The following KCNAB2 variants were observed in gnomAD, a reference collection of about 807,000 sequenced individuals.
KCNAB2 encodes the protein voltage-gated potassium channel subunit beta-2.
In KCNAB2, 29 loss-of-function variants were observed where a neutral mutation model predicts 63.6. That is an observed-to-expected ratio of 0.46 (90% CI 0.34 to 0.62). KCNAB2 has a LOEUF of 0.62. Ranked by LOEUF, KCNAB2 falls within the 20% of genes least tolerant of loss-of-function variation. KCNAB2 has a pLI of 0.01. For synonymous variants in KCNAB2, 222 were observed against 224.2 expected, an observed-to-expected ratio of 0.99 and a Z score of 0.09; for missense variants, 359 against 563.9, an observed-to-expected ratio of 0.64 and a Z score of 3.68.
chr1:6,072,862 T>G, intron 3 of KCNAB2, 64 bp downstream of exon 3: 1 of 1,518,504 alleles, frequency 6.6e-7, no homozygotes, highest in Non-Finnish European at 9.1e-7. Context: ...GGGCATGGAC[T>G]GAACTGGACA....
In KCNAB2 at chr1:6,087,612, G is replaced by A. The variant is rs1047505456; in HGVS notation, c.470+101G>A. 5 of 1,256,368 alleles carry A rather than the reference G, an allele frequency of 4.0e-6. No homozygotes were observed. The highest frequency in any genetic ancestry group is 5.8e-6 in the Non-Finnish European group (5 of 861,984). The allele number at this position is 1,256,368 out of a possible 1,614,324, so 77.8% of individuals were successfully genotyped here. Reference sequence around the variant, plus strand: ...CTAGAAGGCTCCTGGGGTGGCGGGAGGACAGTCCTCCTTGAGAAGGGAGAG... The same window carrying A: ...CTAGAAGGCTCCTGGGGTGGCGGGAAGACAGTCCTCCTTGAGAAGGGAGAG... On this transcript the variant is annotated intron_variant, in intron 7 of 15. Transcript: ENST00000378083. This position sits in a 1 kb window ranked among gnomAD's most constrained non-coding sequence, Gnocchi z 6.4.
chr1:6,004,953 ATGTGGGAGCTGAGCTGAGGGATGAGGGTG>A (rs1557920761), intron 1 of KCNAB2, among the ~76,000 whole-genome samples: 21 of 87,448 alleles, frequency 2.4e-4, no homozygotes, highest in Non-Finnish European at 3.8e-4. Context: ...GAGTGGGGGG[ATGTGGGAGCTGAGCTGAGGGATGAGGGTG>A]CAGGCAGAGA....
chr1:6,004,982 GCAGGCAGAGATCTGGGAGCTGAGCTAA>G (rs1657493189), intron 1 of KCNAB2, among the ~76,000 whole-genome samples: 2 of 110,290 alleles, frequency 1.8e-5, no homozygotes, highest in African/African-American at 3.3e-5. Flanking sequence ...GGATGAGGGT[GCAGGCAGAGATCTGGGAGCTGAGCTAA>G]GGGGTGAGGG....
rs377496614 is a variant in KCNAB2 at position 6,003,099 on chromosome 1, G to A, written c.-53+10311G>A. On this transcript the variant is annotated intron_variant, in intron 1 of 16. Coordinates refer to the KCNAB2 transcript ENST00000341524. The surrounding 1 kb of genome is among the most constrained non-coding windows in gnomAD (Gnocchi z 4.1). ...CCTGCGCCCCAGGCGACCCGTTCAC[G>A]GGGCGGGCGCTCGCCCTTGGCCTCG... is the stretch of plus-strand genomic sequence containing the variant. Among the ~76,000 whole-genome samples the A allele has an allele frequency of 1.3e-5, 2 of 152,314 alleles. No homozygotes were observed. Among genetic ancestry groups the A allele is most frequent in the East Asian group, 3.9e-4 (2 of 5,172 alleles).
At chr1:6,058,519 G>A (rs1403946149) in intron 2 of KCNAB2, among the ~76,000 whole-genome samples, 1 of 152,220 alleles carries the variant, frequency 6.6e-6, no homozygotes, top group African/African-American at 2.4e-5. Context: ...GACTAAATAA[G>A]CTCCAGGTGA....
upstream of KCNAB2, among the ~76,000 whole-genome samples, chr1:6,030,654 T>A (rs1048524710): frequency 1.4e-4 from 2 of 14,744 alleles, no homozygotes; most frequent in Non-Finnish European, 3.2e-4. Context: ...TGTATATGTA[T>A]GTACGTGTAT....
intron 1 of KCNAB2, among the ~76,000 whole-genome samples, chr1:6,012,678 A>T (rs1003267782): frequency 2.8e-5 from 4 of 142,846 alleles, no homozygotes; most frequent in African/African-American, 1.1e-4. Flanking sequence ...GGAGGTGGAG[A>T]TGGAGGTAGT....
At chr1:6,083,603 G>A (rs943197317) in intron 5 of KCNAB2, among the ~76,000 whole-genome samples, 1 of 152,198 alleles carries the variant, frequency 6.6e-6, no homozygotes, top group African/African-American at 2.4e-5. Context: ...CTCTGCTCCT[G>A]GGCCGGCCAC....
At chr1:6,049,423 G>A (rs965871278) in intron 1 of KCNAB2, among the ~76,000 whole-genome samples, 3 of 152,248 alleles carry the variant, frequency 2.0e-5, no homozygotes, top group South Asian at 2.1e-4. Context: ...GATGGCGAGC[G>A]CCATGGAGAC....
intron 4 of KCNAB2, among the ~76,000 whole-genome samples, chr1:6,081,652 C>A (rs565307924): frequency 6.6e-6 from 1 of 152,158 alleles, no homozygotes; most frequent in Admixed American, 6.5e-5. Flanking sequence ...CTGGGGGTTG[C>A]CAACAGTCCT....
At chr1:6,097,781 C>A in intron 15 of KCNAB2, 1 of 393,984 alleles carries the variant, frequency 2.5e-6, no homozygotes, top group Non-Finnish European at 4.5e-6. Context: ...ATGCAAAGGC[C>A]CAAAAAGGCC....
chr1:6,082,686 C>T (rs1235335916), intron 5 of KCNAB2, among the ~76,000 whole-genome samples: 1 of 152,202 alleles, frequency 6.6e-6, no homozygotes, highest in Non-Finnish European at 1.5e-5. Context: ...GAGCACTTCC[C>T]ATCTTGGCGG....
At chr1:6,001,782 A>G (rs1369421676) in intron 1 of KCNAB2, among the ~76,000 whole-genome samples, 1 of 152,170 alleles carries the variant, frequency 6.6e-6, no homozygotes, top group Non-Finnish European at 1.5e-5. Context: ...ACTGGGTCCT[A>G]GGCTCCTGGA....
At chr1:6,016,713 C>T (rs1244119800) in intron 1 of KCNAB2, among the ~76,000 whole-genome samples, 1 of 152,154 alleles carries the variant, frequency 6.6e-6, no homozygotes, top group Admixed American at 6.6e-5. Context: ...ACTGCAGTGA[C>T]GCTATGGAGC....
chr1:6,025,574 G>A (rs1161628499), intron 1 of KCNAB2, among the ~76,000 whole-genome samples: 1 of 152,216 alleles, frequency 6.6e-6, no homozygotes, highest in Non-Finnish European at 1.5e-5. Context: ...CCTCTGGCCC[G>A]TCCTCCCCAG....
At position 6,096,621 on chromosome 1, in the gene KCNAB2, C is replaced by CT. The variant is rs771084442; in HGVS notation, c.949-14dup. On this transcript the variant is annotated splice_polypyrimidine_tract_variant and intron_variant, in intron 13 of 15. Transcript: ENST00000378083. The surrounding 1 kb of genome is among the most constrained non-coding windows in gnomAD (Gnocchi z 5.9). ...TCTCATCTGTAGCTGTGCTGCTCCC[C>CT]TCCCCCGCAACCAGGGCTACCAGTG... The CT allele has an allele frequency of 1.2e-6, 2 of 1,607,950 alleles. No individual in the cohort carries two copies. The highest frequency in any genetic ancestry group is 1.7e-6 in the Non-Finnish European group (2 of 1,177,542).
intron 1 of KCNAB2, among the ~76,000 whole-genome samples, chr1:6,038,395 A>G (rs954535474): frequency 3.9e-5 from 6 of 152,124 alleles, no homozygotes; most frequent in African/African-American, 9.7e-5. Context: ...GGCTCAAGCA[A>G]TCCTCCCACC....
chr1:6,011,272 G>A (rs1187099225), intron 1 of KCNAB2, among the ~76,000 whole-genome samples: 2 of 151,960 alleles, frequency 1.3e-5, no homozygotes, highest in African/African-American at 4.8e-5. Flanking sequence ...AGGCAGCTGT[G>A]CCCAGGGCCA....
At chr1:6,084,523 A>T (rs958419356) in intron 5 of KCNAB2, among the ~76,000 whole-genome samples, 4 of 152,238 alleles carry the variant, frequency 2.6e-5, no homozygotes, top group Non-Finnish European at 4.4e-5. Context: ...TACCTTTGAA[A>T]AAAGATACTT....
Sources: allele counts gnomAD v4.1 joint callset (sites outside exome capture counted in the v4.1 genomes callset), GRCh38; gene constraint gnomAD v4.1.1; non-coding constraint Gnocchi (gnomAD v3.1); transcripts MANE v1.5; gene names NCBI Gene and HGNC (gene_info 2026-07-23, HGNC 2026-07-21).